Variants in GALNT18 observed in about 807,000 individuals in gnomAD.
GALNT18 encodes GalNAc-transferase 18.
GALNT18 carries 44 observed loss-of-function variants against 69.5 expected under a neutral mutation model. The ratio of observed to expected loss-of-function variants is 0.63; its 90% CI spans 0.50 to 0.81. The LOEUF (loss-of-function observed/expected upper bound fraction) is 0.81. Ranked by LOEUF, GALNT18 falls within the 40% of genes least tolerant of loss-of-function variation. The probability of loss-of-function intolerance (pLI) is 0.00; values close to 1 mark genes in which losing one functional copy is unlikely to be tolerated. For missense variants in GALNT18, 715 were observed against 810.0 expected (o/e 0.88, Z 1.42); for synonymous variants, 364 against 318.2 (o/e 1.14, Z -1.53).
chr11:11,507,669 G>A (rs1472946395), intron 1 of GALNT18, among the ~76,000 whole-genome samples: 2 of 152,184 alleles, frequency 1.3e-5, no homozygotes, highest in East Asian at 1.9e-4. Context: ...CTCTGTGATG[G>A]TTAATATTTC....
intron 1 of GALNT18, among the ~76,000 whole-genome samples, chr11:11,528,426 G>A (rs114508654): frequency 0.011 from 1,604 of 152,302 alleles, 25 homozygotes; most frequent in African/African-American, 0.034. Flanking sequence ...ACAGTAAGGA[G>A]TTGTGAGGAC....
intron 10 of GALNT18, among the ~76,000 whole-genome samples, chr11:11,280,081 A>G (rs1849037597): frequency 6.6e-6 from 1 of 152,086 alleles, no homozygotes; most frequent in South Asian, 2.1e-4. Context: ...ACACAAACCT[A>G]TTCAGAAGCA....
rs1254189509 is a variant in GALNT18, at chr11:11,377,575, A to G, written c.780-196T>C. Among the ~76,000 whole-genome samples the G allele has an allele frequency of 1.3e-5, 2 of 152,144 alleles. No individual in the cohort carries two copies. The highest frequency in any genetic ancestry group is 4.8e-5 in the African/African-American group (2 of 41,416). ...CTCCCTGAGGATTGCCGGAATGGCA[A>G]GAGGCTGCACCACTCCATTGGCATA... On this transcript the variant is annotated intron_variant, in intron 4 of 10. Coordinates refer to ENST00000227756, the MANE Select transcript of GALNT18 (RefSeq NM_198516.3). This position sits in a 1 kb window ranked among gnomAD's most constrained non-coding sequence, Gnocchi z 4.6.
In GALNT18 at chr11:11,600,592, A is replaced by T. The variant is rs1859608831; in HGVS notation, c.235+20767T>A. Reference sequence around the variant, plus strand: ...AAGATTTTCTCTCTCTTTAGCTTTCAAAATTTCAACTATGATGTGTCTGGA... The same window carrying T: ...AAGATTTTCTCTCTCTTTAGCTTTCTAAATTTCAACTATGATGTGTCTGGA... On this transcript the variant is annotated intron_variant, in intron 1 of 10. Transcript: ENST00000227756. This position sits in a 1 kb window ranked among gnomAD's most constrained non-coding sequence, Gnocchi z 4.8. 6.6e-6 allele frequency among the ~76,000 whole-genome samples: 1 copy of T among 152,082 alleles called. No individual in the cohort carries two copies.
intron 1 of GALNT18, among the ~76,000 whole-genome samples, chr11:11,513,360 G>C (rs926051331): frequency 1.3e-5 from 2 of 152,200 alleles, no homozygotes; most frequent in Non-Finnish European, 2.9e-5. Context: ...TTGACTTCCT[G>C]TCCCTTGCTC....
intron 10 of GALNT18, 131 bp from the exon 11 acceptor site, chr11:11,271,421 C>T: frequency 2.3e-6 from 2 of 855,242 alleles, no homozygotes; most frequent in Non-Finnish European, 3.7e-6. Flanking sequence ...TCAGCATTCC[C>T]ATGAAACTGC....
In GALNT18 at chr11:11,621,513, G is replaced by A. The variant is rs756664027; in HGVS notation, c.81C>T (p.Leu27=). The part of the protein sequence containing the change: ...LSGMTNIICL[L]YVGWVTNYIA... ...TGTAGTTGGTGACCCAGCCCACGTA[G>A]AGCAGGCAGATGATGTTAGTCATGC... is the stretch of plus-strand genomic sequence containing the variant. Residue 27 remains leucine (L), a synonymous_variant, in exon 1 of 11, where the codon CTC becomes CTT. Coordinates refer to ENST00000227756, the MANE Select transcript of GALNT18 (RefSeq NM_198516.3). This position sits in a 1 kb window ranked among gnomAD's most constrained non-coding sequence, Gnocchi z 9.3. 1.2e-6 allele frequency: 2 copies of A among 1,614,150 alleles called. No individual in the cohort carries two copies. Among genetic ancestry groups the A allele is most frequent in the South Asian group, 2.2e-5 (2 of 91,080 alleles).
chr11:11,528,225 G>T (rs1333079471), intron 1 of GALNT18, among the ~76,000 whole-genome samples: 2 of 152,238 alleles, frequency 1.3e-5, no homozygotes, highest in African/African-American at 4.8e-5. Flanking sequence ...GAATAATATT[G>T]TGTGTTTGTG....
chr11:11,357,182 G>A (rs1055259840), intron 6 of GALNT18, among the ~76,000 whole-genome samples: 17 of 152,124 alleles, frequency 1.1e-4, no homozygotes, highest in African/African-American at 3.9e-4. Context: ...AGGTTGCTCC[G>A]ACCTCAAAGA....
At position 11,598,403 on chromosome 11, in the gene GALNT18, C is replaced by T. The variant is rs1859553653; in HGVS notation, c.235+22956G>A. Among the ~76,000 whole-genome samples, 6 of 152,268 alleles carry T rather than the reference C, an allele frequency of 3.9e-5. No homozygotes were observed. The South Asian group carries it at 1.2e-3, about 32-fold the overall frequency. On this transcript the variant is annotated intron_variant, in intron 1 of 10. Coordinates refer to ENST00000227756, the MANE Select transcript of GALNT18 (RefSeq NM_198516.3). The surrounding 1 kb of genome is among the most constrained non-coding windows in gnomAD (Gnocchi z 4.8). ...GCTCTAGAGGAGAATCTGTTCCTTG[C>T]TTCTTCCAGCTCCTGGTAGCTGCCA...
At chr11:11,514,960 T>C (rs1030354340) in intron 1 of GALNT18, among the ~76,000 whole-genome samples, 2 of 152,090 alleles carry the variant, frequency 1.3e-5, no homozygotes, top group Admixed American at 1.3e-4. Flanking sequence ...AAAAGACAGA[T>C]CCTATGAAGG....
intron 9 of GALNT18, among the ~76,000 whole-genome samples, chr11:11,304,149 C>G (rs1849539909): frequency 6.6e-6 from 1 of 152,188 alleles, no homozygotes; most frequent in Non-Finnish European, 1.5e-5. Context: ...TAGGGCAACT[C>G]TCTAGGGAAG....
In GALNT18 at chr11:11,496,502, G is replaced by A. The variant is rs1856868652; in HGVS notation, c.236-47566C>T. On this transcript the variant is annotated intron_variant, in intron 1 of 10. Coordinates refer to ENST00000227756, the MANE Select transcript of GALNT18 (RefSeq NM_198516.3). The surrounding 1 kb of genome is among the most constrained non-coding windows in gnomAD (Gnocchi z 4.0). ...ATGCTGGAAAAATAAAACAGAAGAT[G>A]GTTCTTAGGAAAAGATTTCCTCTTC... is the stretch of plus-strand genomic sequence containing the variant. Among the ~76,000 whole-genome samples the A allele has an allele frequency of 1.3e-5, 2 of 152,116 alleles. No homozygotes were observed. The highest frequency in any genetic ancestry group is 2.1e-4 in the South Asian group (1 of 4,816).
intron 3 of GALNT18, among the ~76,000 whole-genome samples, chr11:11,429,517 AT>A (rs1220165472): frequency 1.3e-5 from 2 of 152,130 alleles, no homozygotes; most frequent in East Asian, 3.9e-4. Context: ...CCTCCTGGAA[AT>A]GGGGTAGAAC....
At position 11,413,543 on chromosome 11, in the gene GALNT18, C is replaced by G. The variant is rs1030851280; in HGVS notation, c.595+19078G>C. Reference sequence around the variant, plus strand: ...GGTTTATATAATTTGGTGCTTAATGCACCGTACCACTAGCCCAGAACAATT... The same window carrying G: ...GGTTTATATAATTTGGTGCTTAATGGACCGTACCACTAGCCCAGAACAATT... On this transcript the variant is annotated intron_variant, in intron 3 of 10. Transcript: ENST00000227756. The surrounding 1 kb of genome is among the most constrained non-coding windows in gnomAD (Gnocchi z 4.7). 3.9e-5 allele frequency among the ~76,000 whole-genome samples: 6 copies of G among 152,196 alleles called. No homozygotes were observed. Among genetic ancestry groups the G allele is most frequent in the Non-Finnish European group, 8.8e-5 (6 of 68,034 alleles).
At position 11,542,608 on chromosome 11, in the gene GALNT18, T is replaced by C. The variant is rs1252208372; in HGVS notation, c.235+78751A>G. On this transcript the variant is annotated intron_variant, in intron 1 of 10. Coordinates refer to ENST00000227756, the MANE Select transcript of GALNT18 (RefSeq NM_198516.3). The surrounding 1 kb of genome is among the most constrained non-coding windows in gnomAD (Gnocchi z 4.3). The stretch of plus-strand genomic sequence containing the variant: ...TAGGTGTCAAAAAGAGAATGTAGAG[T>C]AAAGAGGTCAAGAACATTGATTCTG... Among the ~76,000 whole-genome samples, 1 of 152,148 alleles carries C rather than the reference T, an allele frequency of 6.6e-6. No homozygotes were observed. The highest frequency in any genetic ancestry group is 1.5e-5 in the Non-Finnish European group (1 of 68,026).
chr11:11,484,152 T>A (rs1452340437), intron 1 of GALNT18, among the ~76,000 whole-genome samples: 1 of 152,140 alleles, frequency 6.6e-6, no homozygotes, highest in Non-Finnish European at 1.5e-5. Context: ...AAGAAAGGAT[T>A]ATCAAAATTC....
intron 10 of GALNT18, among the ~76,000 whole-genome samples, chr11:11,282,408 C>T (rs1344027752): frequency 6.6e-6 from 1 of 152,220 alleles, no homozygotes; most frequent in African/African-American, 2.4e-5. Flanking sequence ...TCCAGGTCTT[C>T]CTGACAAAAG....
chr11:11,618,160 G>A lies in GALNT18; in HGVS notation c.235+3199C>T, dbSNP rs191109381. On this transcript the variant is annotated intron_variant, in intron 1 of 10. Transcript: ENST00000227756. The surrounding 1 kb of genome is among the most constrained non-coding windows in gnomAD (Gnocchi z 6.1). Reference sequence around the variant, plus strand: ...TGATGCTCCAAAGCCTCTTCTAATTGCAAGTCCTATGGAACATCCTGCAGA... The same window carrying A: ...TGATGCTCCAAAGCCTCTTCTAATTACAAGTCCTATGGAACATCCTGCAGA... 6.6e-6 allele frequency among the ~76,000 whole-genome samples: 1 copy of A among 152,280 alleles called. No individual in the cohort carries two copies. Among genetic ancestry groups the A allele is most frequent in the Non-Finnish European group, 1.5e-5 (1 of 68,026 alleles).
Sources: allele counts gnomAD v4.1 joint callset (sites outside exome capture counted in the v4.1 genomes callset), GRCh38; gene constraint gnomAD v4.1.1; non-coding constraint Gnocchi (gnomAD v3.1); transcripts MANE v1.5; gene names NCBI Gene and HGNC (gene_info 2026-07-23, HGNC 2026-07-21).